PSD3: variants seen among roughly 807,000 people sequenced by gnomAD.
PSD3 encodes the protein pleckstrin and Sec7 domain containing 3.
Under a neutral mutation model 105.5 loss-of-function variants are expected in PSD3, and 49 were observed. That is an observed-to-expected ratio of 0.46 (90% CI 0.37 to 0.59). The LOEUF (loss-of-function observed/expected upper bound fraction) is 0.59. Among genes scored for constraint, PSD3 ranks in the 20% least tolerant of loss-of-function variants. The pLI, the probability that PSD3 is intolerant of heterozygous loss-of-function variation, is 0.00. For synonymous variants in PSD3, 557 were observed against 457.8 expected (o/e 1.22, Z -2.77); for missense variants, 1,561 against 1,263.8 (o/e 1.24, Z -3.57).
At chr8:19,008,437 A>G (rs979258728) in intron 1 of PSD3, among the ~76,000 whole-genome samples, 1 of 152,214 alleles carries the variant, frequency 6.6e-6, no homozygotes, top group Non-Finnish European at 1.5e-5. Context: ...TAACACAGTC[A>G]CGAAGACAGC....
chr8:18,879,715 G>A (rs1817992932), intron 2 of PSD3, among the ~76,000 whole-genome samples: 2 of 152,046 alleles, frequency 1.3e-5, no homozygotes, highest in Admixed American at 1.3e-4. Flanking sequence ...CTCAGCCTCT[G>A]GAGTAGCTGG....
intron 4 of PSD3, among the ~76,000 whole-genome samples, chr8:18,865,671 G>A (rs796518949): frequency 6.6e-6 from 1 of 151,998 alleles, no homozygotes; most frequent in Non-Finnish European, 1.5e-5. Flanking sequence ...TTGTACAGTA[G>A]GAGTGCCCAG....
At chr8:18,635,426 T>C (rs1449255664) in intron 10 of PSD3, among the ~76,000 whole-genome samples, 1 of 152,170 alleles carries the variant, frequency 6.6e-6, no homozygotes, top group Non-Finnish European at 1.5e-5. Flanking sequence ...GCATACAATA[T>C]ACAACCATTG....
chr8:18,752,585 AT>A (rs1563225665), intron 9 of PSD3, among the ~76,000 whole-genome samples: 849 of 80,996 alleles, frequency 0.01, 54 homozygotes, highest in African/African-American at 0.051. Context: ...AATTATATAT[AT>A]TATATATTAT....
intron 2 of PSD3, among the ~76,000 whole-genome samples, chr8:18,899,289 C>T (rs1819347626): frequency 6.6e-6 from 1 of 152,076 alleles, no homozygotes; most frequent in South Asian, 2.1e-4. Flanking sequence ...TACCTTTTTT[C>T]CCATATCTAC....
At chr8:19,007,276 G>T (rs1826729372) in intron 1 of PSD3, among the ~76,000 whole-genome samples, 2 of 151,766 alleles carry the variant, frequency 1.3e-5, no homozygotes, top group Non-Finnish European at 2.9e-5. Context: ...GAGAGAGAGT[G>T]AGAAATGACA....
At chr8:18,548,631 G>T (rs1800585856) in intron 15 of PSD3, among the ~76,000 whole-genome samples, 1 of 152,114 alleles carries the variant, frequency 6.6e-6, no homozygotes, top group South Asian at 2.1e-4. Context: ...CGTGCCCTTG[G>T]CCAGTGTCCT....
At chr8:18,822,957 A>ATGTTC in intron 4 of PSD3, among the ~76,000 whole-genome samples, 1 of 152,174 alleles carries the variant, frequency 6.6e-6, no homozygotes, top group Non-Finnish European at 1.5e-5. Context: ...TGCTCACTCC[A>ATGTTC]AAAATGGCAA....
chr8:18,990,493 A>G (rs900880555), intron 1 of PSD3, among the ~76,000 whole-genome samples: 2 of 152,188 alleles, frequency 1.3e-5, no homozygotes, highest in African/African-American at 4.8e-5. Flanking sequence ...TTCATCTGCC[A>G]GGGACATCTG....
intron 9 of PSD3, among the ~76,000 whole-genome samples, chr8:18,736,089 G>C (rs1265863903): frequency 1.3e-5 from 2 of 152,058 alleles, no homozygotes; most frequent in African/African-American, 4.8e-5. Context: ...CAACAAACTT[G>C]AGCACATCTC....
intron 9 of PSD3, among the ~76,000 whole-genome samples, chr8:18,731,270 A>C (rs1803730396): frequency 6.6e-6 from 1 of 152,214 alleles, no homozygotes; most frequent in South Asian, 2.1e-4. Context: ...AACAAAAAAC[A>C]AAAAACCTTC....
intron 1 of PSD3, among the ~76,000 whole-genome samples, chr8:18,961,466 A>T (rs1823915713): frequency 6.6e-6 from 1 of 152,192 alleles, no homozygotes; most frequent in Admixed American, 6.5e-5. Flanking sequence ...AGGCGGGCGG[A>T]TCATCTAAGG....
intron 9 of PSD3, among the ~76,000 whole-genome samples, chr8:18,684,355 G>C (rs1800549934): frequency 6.6e-6 from 1 of 152,012 alleles, no homozygotes; most frequent in Non-Finnish European, 1.5e-5. Context: ...TGTGAAGTAA[G>C]CTCATTAATG....
chr8:18,774,934 C>T (rs1157614935), intron 8 of PSD3: 1 of 456,060 alleles, frequency 2.2e-6, no homozygotes, highest in African/African-American at 2.0e-5. Flanking sequence ...CAAAAGCCAC[C>T]ACCGCTGCCA....
At chr8:18,771,527 A>T (rs745505918) in intron 8 of PSD3, among the ~76,000 whole-genome samples, 65 of 152,208 alleles carry the variant, frequency 4.3e-4, no homozygotes, top group Admixed American at 2.1e-3. Flanking sequence ...TGTACGATAG[A>T]AAGCAGAGAT....
intron 2 of PSD3, among the ~76,000 whole-genome samples, chr8:18,885,329 T>G (rs920031440): frequency 6.6e-6 from 1 of 152,186 alleles, no homozygotes; most frequent in Non-Finnish European, 1.5e-5. Flanking sequence ...AACTAAACTT[T>G]TAAATAACCC....
intron 1 of PSD3, among the ~76,000 whole-genome samples, chr8:18,947,749 G>A (rs1822959346): frequency 1.3e-5 from 2 of 152,150 alleles, no homozygotes; most frequent in Non-Finnish European, 2.9e-5. Flanking sequence ...CCCCCTTCTA[G>A]GAACCGTGCC....
chr8:18,808,895 T>C (rs550659549), intron 4 of PSD3: 145 of 1,564,074 alleles, frequency 9.3e-5, no homozygotes, highest in Non-Finnish European at 1.2e-4. Flanking sequence ...TCCAAGAACC[T>C]GGCTCCCTGT....
chr8:19,019,359 C>A (rs555018437), intron 1 of PSD3, among the ~76,000 whole-genome samples: 3 of 152,216 alleles, frequency 2.0e-5, no homozygotes, highest in Admixed American at 6.5e-5. Context: ...TGGCTCACTC[C>A]TCTTTATTAT....
Sources: gnomAD v4.1 joint callset for allele counts (sites outside exome capture counted in the v4.1 genomes callset) on GRCh38, gnomAD v4.1.1 for gene constraint, MANE v1.5 for transcripts, NCBI Gene and HGNC (gene_info 2026-07-23, HGNC 2026-07-21) for gene names.